The following KHDRBS2 variants were observed in gnomAD, a reference collection of about 807,000 sequenced individuals.
The protein encoded by KHDRBS2 is KH RNA binding domain containing, signal transduction associated 2.
Under a neutral mutation model 44.3 loss-of-function variants are expected in KHDRBS2, and 26 were observed. The ratio of observed to expected loss-of-function variants is 0.59; its 90% CI spans 0.43 to 0.81. The LOEUF (loss-of-function observed/expected upper bound fraction) is 0.81. Among genes scored for constraint, KHDRBS2 ranks in the 40% least tolerant of loss-of-function variants. The pLI is 0.00. For missense variants in KHDRBS2, 476 were observed against 433.1 expected, an observed-to-expected ratio of 1.10 and a Z score of -0.88; for synonymous variants, 194 against 151.1, an observed-to-expected ratio of 1.28 and a Z score of -2.08.
chr6:61,604,957 C>A, the KHDRBS2 span, among the ~76,000 whole-genome samples: 1 of 152,090 alleles, frequency 6.6e-6, no homozygotes, highest in Non-Finnish European at 1.5e-5. Context: ...AGCAGTTTCT[C>A]AGGCTCTTGG....
intron 1 of KHDRBS2, among the ~76,000 whole-genome samples, chr6:62,239,651 A>G (rs533561868): frequency 2.0e-5 from 3 of 152,334 alleles, no homozygotes; most frequent in Admixed American, 2.0e-4. Context: ...CTGTCAGTTT[A>G]GATGACAGGT....
intron 6 of KHDRBS2, among the ~76,000 whole-genome samples, chr6:61,801,458 G>C (rs1331539896): frequency 1.3e-5 from 2 of 152,148 alleles, no homozygotes; most frequent in African/African-American, 4.8e-5. Flanking sequence ...TTAAGAAAAT[G>C]TGCATTGGAT....
intron 2 of KHDRBS2, among the ~76,000 whole-genome samples, chr6:62,159,888 G>T (rs1023722335): frequency 2.0e-5 from 3 of 152,152 alleles, no homozygotes; most frequent in Non-Finnish European, 4.4e-5. Flanking sequence ...CAAGTAGGCT[G>T]AGGAAAAGGT....
chr6:62,123,651 G>A (rs1207381281), intron 2 of KHDRBS2, among the ~76,000 whole-genome samples: 2 of 152,114 alleles, frequency 1.3e-5, no homozygotes, highest in Non-Finnish European at 2.9e-5. Flanking sequence ...AACTACATTT[G>A]TTCAAAGTTG....
intron 2 of KHDRBS2, among the ~76,000 whole-genome samples, chr6:62,162,580 A>G (rs1314622951): frequency 6.6e-6 from 1 of 152,068 alleles, no homozygotes; most frequent in African/African-American, 2.4e-5. Flanking sequence ...ATCAAAATTA[A>G]TGGCAATTTA....
chr6:61,769,219 C>T (rs761375942), intron 6 of KHDRBS2, among the ~76,000 whole-genome samples: 12 of 152,210 alleles, frequency 7.9e-5, no homozygotes, highest in African/African-American at 1.7e-4. Flanking sequence ...CTCCGGTCTA[C>T]GGAGCCCAGC....
At chr6:62,045,242 A>C (rs1392121202) in intron 3 of KHDRBS2, among the ~76,000 whole-genome samples, 1 of 152,092 alleles carries the variant, frequency 6.6e-6, no homozygotes, top group Non-Finnish European at 1.5e-5. Context: ...TGGTAGCCAA[A>C]GGGGAATAAG....
At chr6:61,952,019 G>A (rs1179128841) in intron 4 of KHDRBS2, among the ~76,000 whole-genome samples, 1 of 152,004 alleles carries the variant, frequency 6.6e-6, no homozygotes, top group Non-Finnish European at 1.5e-5. Flanking sequence ...AGTTTGCACT[G>A]GAGAATAATG....
intron 6 of KHDRBS2, among the ~76,000 whole-genome samples, chr6:61,827,034 A>C (rs1790986859): frequency 6.6e-6 from 1 of 152,240 alleles, no homozygotes. Flanking sequence ...TTACTTCATT[A>C]GAAAATATAT....
the KHDRBS2 span, among the ~76,000 whole-genome samples, chr6:61,575,173 G>A: frequency 1.3e-5 from 2 of 152,124 alleles, no homozygotes; most frequent in African/African-American, 4.8e-5. Context: ...AGAGTAAACA[G>A]ACAGCCCACA....
chr6:62,072,151 T>C (rs995453860), intron 2 of KHDRBS2, among the ~76,000 whole-genome samples: 3 of 152,284 alleles, frequency 2.0e-5, no homozygotes, highest in South Asian at 2.1e-4. Context: ...TTGTCTGTTA[T>C]TGGTGTATAA....
chr6:61,892,633 G>C (rs377754786), intron 6 of KHDRBS2, among the ~76,000 whole-genome samples: 2 of 151,946 alleles, frequency 1.3e-5, no homozygotes, highest in Admixed American at 6.6e-5. Context: ...ACAAACCTGA[G>C]AAAAACAAGC....
chr6:62,068,717 T>A (rs912278701), intron 2 of KHDRBS2, among the ~76,000 whole-genome samples: 1 of 151,610 alleles, frequency 6.6e-6, no homozygotes, highest in Non-Finnish European at 1.5e-5. Flanking sequence ...TACATGTGAC[T>A]AACCAGTTTT....
Position 61,726,245 on chromosome 6 carries a change from A to G in KHDRBS2, c.893+6437T>C, listed in dbSNP as rs1251467962. 2.0e-5 allele frequency among the ~76,000 whole-genome samples: 3 copies of G among 152,160 alleles called. No individual in the cohort carries two copies. The East Asian group carries it at 5.8e-4, about 29-fold the overall frequency. On this transcript the variant is annotated intron_variant, in intron 7 of 8. Coordinates refer to ENST00000281156, the MANE Select transcript of KHDRBS2 (RefSeq NM_152688.4). ...CATCCCTTCATTTTAAAAACTCTCA[A>G]TAAACGAGATACTAAAGGAACATAC... is the stretch of plus-strand genomic sequence containing the variant.
At chr6:62,170,249 C>A (rs1819720032) in intron 2 of KHDRBS2, among the ~76,000 whole-genome samples, 1 of 152,000 alleles carries the variant, frequency 6.6e-6, no homozygotes, top group African/African-American at 2.4e-5. Context: ...AGTGAGACAC[C>A]TGTGTTCACA....
chr6:61,609,285 G>C, the KHDRBS2 span, among the ~76,000 whole-genome samples: 1 of 152,216 alleles, frequency 6.6e-6, no homozygotes, highest in African/African-American at 2.4e-5. Context: ...TTAAACCCAG[G>C]AGGTGGATGT....
intron 6 of KHDRBS2, among the ~76,000 whole-genome samples, chr6:61,787,149 A>G (rs1231241661): frequency 6.9e-6 from 1 of 145,286 alleles, no homozygotes; most frequent in Non-Finnish European, 1.5e-5. Flanking sequence ...AGAAATGTCC[A>G]ATGATTTATT....
rs62416599 is a variant in KHDRBS2, at chr6:61,773,278, A to T, written c.811-40514T>A. Among the ~76,000 whole-genome samples, 29 of 152,104 alleles carry T rather than the reference A, an allele frequency of 1.9e-4. No homozygotes were observed. The East Asian group carries it at 3.9e-3, about 20-fold the overall frequency. On this transcript the variant is annotated intron_variant, in intron 6 of 8. Coordinates refer to ENST00000281156, the MANE Select transcript of KHDRBS2 (RefSeq NM_152688.4). ...ACCAACAGTGTAAAAGTGTTCCTAT[A>T]TCTCCACATCCTCTCCAGCACCTGT...
chr6:61,544,846 C>T, the KHDRBS2 span, among the ~76,000 whole-genome samples: 17 of 151,918 alleles, frequency 1.1e-4, no homozygotes, highest in African/African-American at 3.1e-4. Flanking sequence ...AACCAAACAC[C>T]GCATGTTCTC....
Sources: allele counts gnomAD v4.1 joint callset (sites outside exome capture counted in the v4.1 genomes callset), GRCh38; gene constraint gnomAD v4.1.1; transcripts MANE v1.5; gene names NCBI Gene and HGNC (gene_info 2026-07-23, HGNC 2026-07-21).